The following CUX1 variants were observed in gnomAD, a reference collection of about 807,000 sequenced individuals.
The protein encoded by CUX1 is cut like homeobox 1.
In CUX1, 31 loss-of-function variants were observed where a neutral mutation model predicts 158.8. That is an observed-to-expected ratio of 0.20 (90% CI 0.15 to 0.26). The LOEUF (loss-of-function observed/expected upper bound fraction) is 0.26. Among genes scored for constraint, CUX1 ranks in the 10% least tolerant of loss-of-function variants. The pLI, the probability that CUX1 is intolerant of heterozygous loss-of-function variation, is 1.00. For missense variants in CUX1, 1,589 were observed against 2,014.6 expected (o/e 0.79, Z 4.04); for synonymous variants, 879 against 862.1 (o/e 1.02, Z -0.34).
intron 8 of CUX1, among the ~76,000 whole-genome samples, chr7:102,150,888 G>A (rs1403921513): frequency 1.3e-5 from 2 of 152,226 alleles, no homozygotes; most frequent in Admixed American, 6.5e-5. Flanking sequence ...ATCAGTGGAA[G>A]CTGTTTCGTC....
At position 102,253,551 on chromosome 7, in the gene CUX1, GTT is replaced by G; in HGVS notation, c.*4513_*4514del. 6.1e-6 allele frequency: 6 copies of G among 985,476 alleles called. No individual in the cohort carries two copies. Among genetic ancestry groups the G allele is most frequent in the Non-Finnish European group, 7.2e-6 (6 of 829,936 alleles). 61.0% of individuals were successfully genotyped at this position (985,476 alleles called of 1,614,324 possible). On this transcript the variant is annotated 3_prime_UTR_variant, in exon 24 of 24. Coordinates refer to ENST00000292535, the MANE Select transcript of CUX1 (RefSeq NM_181552.4). ...GAACTCTGTTGACATTCTATGCAAT[GTT>G]TTTCATTCCTCTGATTTTAGCAAAG...
chr7:102,110,196 T>C (rs1830736530), intron 6 of CUX1, among the ~76,000 whole-genome samples: 1 of 152,224 alleles, frequency 6.6e-6, no homozygotes, highest in Non-Finnish European at 1.5e-5. Flanking sequence ...CATTACTTCA[T>C]TATTACACTA....
intron 1 of CUX1, among the ~76,000 whole-genome samples, chr7:101,896,250 A>G (rs948547757): frequency 6.6e-6 from 1 of 152,082 alleles, no homozygotes; most frequent in Non-Finnish European, 1.5e-5. Context: ...TCCGACCTCC[A>G]GCTCTTGCAG....
intron 6 of CUX1, among the ~76,000 whole-genome samples, chr7:102,110,515 G>A (rs1169121933): frequency 6.6e-6 from 1 of 152,174 alleles, no homozygotes. Context: ...TTACGCTGTA[G>A]TGTGTTATGT....
rs1554549673 is a variant in CUX1, at chr7:102,282,737, A to G, written c.1928A>G (p.Glu643Gly). 3 of 1,613,608 alleles carry G rather than the reference A, an allele frequency of 1.9e-6. No individual in the cohort carries two copies. The South Asian group carries it at 3.3e-5, about 18-fold the overall frequency. Reference sequence around the variant, plus strand: ...GTGCTCTACAAGCTGGCATGGAGCGAGAGCATGGAGAGGGACTGTGCCACC... The same window carrying G: ...GTGCTCTACAAGCTGGCATGGAGCGGGAGCATGGAGAGGGACTGTGCCACC... The change falls in exon 22 of 23, where the codon GAG becomes GGG. Residue 643 changes from glutamate to glycine, a missense_variant. Physicochemically the swap from Glu to Gly is moderately conservative, Grantham distance 98. Transcript: ENST00000292538.
intron 1 of CUX1, among the ~76,000 whole-genome samples, chr7:101,910,695 C>G (rs538427804): frequency 1.2e-4 from 18 of 149,496 alleles, no homozygotes; most frequent in African/African-American, 3.9e-4. Flanking sequence ...ACCAGTGAGC[C>G]GAGATCACAC....
intron 1 of CUX1, chr7:101,913,406 C>T (rs1376804797): frequency 7.9e-7 from 1 of 1,263,042 alleles, no homozygotes; most frequent in Non-Finnish European, 1.0e-6. Context: ...CAAGTTGCCG[C>T]AGGCGCACTG....
chr7:102,230,639 A>G (rs1798861001), intron 21 of CUX1, among the ~76,000 whole-genome samples: 1 of 152,160 alleles, frequency 6.6e-6, no homozygotes. Context: ...GAATGAGAGA[A>G]AAAGTCATAT....
At chr7:102,018,563 G>A (rs998763362) in intron 2 of CUX1, among the ~76,000 whole-genome samples, 3 of 152,180 alleles carry the variant, frequency 2.0e-5, no homozygotes, top group Admixed American at 1.3e-4. Flanking sequence ...TGCCAACGAG[G>A]CTCTGGCTGT....
chr7:101,903,050 G>C (rs796945699), intron 1 of CUX1, among the ~76,000 whole-genome samples: 12 of 152,340 alleles, frequency 7.9e-5, no homozygotes, highest in African/African-American at 2.6e-4. Flanking sequence ...TGTTTCAGTG[G>C]TGAGTCACAT....
intron 20 of CUX1, among the ~76,000 whole-genome samples, chr7:102,205,534 C>T (rs2132078096): frequency 6.6e-6 from 1 of 152,064 alleles, no homozygotes; most frequent in South Asian, 2.1e-4. Flanking sequence ...GGGGTCATGT[C>T]GGGGGACTTC....
chr7:102,105,645 T>A (rs1255130470), intron 6 of CUX1, among the ~76,000 whole-genome samples: 2 of 151,408 alleles, frequency 1.3e-5, no homozygotes, highest in Non-Finnish European at 2.9e-5. Context: ...CCCAAGAAGC[T>A]GGGATTACAG....
rs1790035995 is a variant in CUX1 at position 102,257,612 on chromosome 7, G to A, written c.*8570G>A. ...ACTCTTTGCTGCTTGCCTTGAGAGC[G>A]GGTAGCACCACGCTCCTGTCCAGAC... On this transcript the variant is annotated 3_prime_UTR_variant, in exon 24 of 24. Transcript: ENST00000292535. 1.2e-5 allele frequency: 12 copies of A among 985,300 alleles called. No individual in the cohort carries two copies. Among genetic ancestry groups the A allele is most frequent in the Non-Finnish European group, 1.4e-5 (12 of 829,904 alleles). 61.0% of individuals were successfully genotyped at this position (985,300 alleles called of 1,614,324 possible). A position where few individuals can be genotyped will look rare whatever the true frequency, so the allele number is the denominator to read the frequency against.
Position 102,249,590 on chromosome 7 carries a change from C to A in CUX1, c.*548C>A. The A allele has an allele frequency of 7.1e-6, 7 of 985,578 alleles. No homozygotes were observed. The highest frequency in any genetic ancestry group is 8.4e-6 in the Non-Finnish European group (7 of 829,900). 61.1% of individuals were successfully genotyped at this position (985,578 alleles called of 1,614,324 possible). Reference sequence around the variant, plus strand: ...GGCTTTAAAAGAAAAAAAATCAAACCCACATATTAAAAGGGGGCTTTTTAT... The same window carrying A: ...GGCTTTAAAAGAAAAAAAATCAAACACACATATTAAAAGGGGGCTTTTTAT... On this transcript the variant is annotated 3_prime_UTR_variant, in exon 24 of 24. Transcript: ENST00000292535.
chr7:101,917,013 C>T (rs753412083), intron 2 of CUX1, among the ~76,000 whole-genome samples: 2 of 152,152 alleles, frequency 1.3e-5, no homozygotes, highest in Non-Finnish European at 2.9e-5. Flanking sequence ...GCTCATCCCG[C>T]GGGCTCGGAC....
At chr7:101,933,319 T>A (rs1460747901) in intron 2 of CUX1, among the ~76,000 whole-genome samples, 1 of 151,890 alleles carries the variant, frequency 6.6e-6, no homozygotes, top group African/African-American at 2.4e-5. Flanking sequence ...TGGAGGAGTT[T>A]AAAAAAAATA....
At chr7:101,936,621 G>A (rs1263950882) in intron 2 of CUX1, among the ~76,000 whole-genome samples, 2 of 152,168 alleles carry the variant, frequency 1.3e-5, no homozygotes, top group Non-Finnish European at 2.9e-5. Flanking sequence ...CATCATGCCC[G>A]GCTGCCGTGG....
chr7:101,940,724 T>C (rs1807604632), intron 2 of CUX1, among the ~76,000 whole-genome samples: 1 of 152,170 alleles, frequency 6.6e-6, no homozygotes, highest in Non-Finnish European at 1.5e-5. Flanking sequence ...GATCCTTGGT[T>C]GGGCACGTTA....
At chr7:102,034,140 C>T (rs747165346) in intron 3 of CUX1, among the ~76,000 whole-genome samples, 3 of 6,998 alleles carry the variant, frequency 4.3e-4, no homozygotes, top group African/African-American at 1.3e-3. Context: ...AGCGAGACTC[C>T]ATCTCAAAAA....
Sources: allele counts gnomAD v4.1 joint callset (sites outside exome capture counted in the v4.1 genomes callset), GRCh38; gene constraint gnomAD v4.1.1; transcripts MANE v1.5; gene names NCBI Gene and HGNC (gene_info 2026-07-23, HGNC 2026-07-21).